NIBAN2: variants seen among roughly 807,000 people sequenced by gnomAD.
NIBAN2 encodes the protein protein Niban 2.
NIBAN2 carries 36 observed loss-of-function variants against 81.8 expected under a neutral mutation model. The observed-to-expected ratio is 0.44, with a 90% CI of 0.34 to 0.58. The LOEUF is 0.58. NIBAN2 is among the 20% of genes least tolerant of loss of function. The pLI is 0.02. For missense variants in NIBAN2, 897 were observed against 1,014.1 expected (o/e 0.88, Z 1.57); for synonymous variants, 445 against 441.6 (o/e 1.01, Z -0.10).
At chr9:127,553,559 G>C (rs78802949) in intron 1 of NIBAN2, among the ~76,000 whole-genome samples, 1 of 152,330 alleles carries the variant, frequency 6.6e-6, no homozygotes, top group East Asian at 1.9e-4. Flanking sequence ...GATGGGTAAG[G>C]GAAAGCAGAG....
intron 5 of NIBAN2, among the ~76,000 whole-genome samples, chr9:127,523,190 AAAATATATAT>A (rs1836983980): frequency 8.7e-5 from 2 of 22,982 alleles, no homozygotes; most frequent in Non-Finnish European, 7.2e-5. Flanking sequence ...AAAAAAAAAA[AAAATATATAT>A]ATATATATAT....
chr9:127,521,018 G>A (rs1280445359), intron 5 of NIBAN2, among the ~76,000 whole-genome samples: 2 of 152,202 alleles, frequency 1.3e-5, no homozygotes, highest in African/African-American at 4.8e-5. Flanking sequence ...AAGGAGAGAG[G>A]TCTCGGAGAA....
chr9:127,508,898 G>A lies in NIBAN2; in HGVS notation c.1317+78C>T. On this transcript the variant is annotated intron_variant, in intron 10 of 13. Coordinates refer to ENST00000373312, the MANE Select transcript of NIBAN2 (RefSeq NM_022833.4). This position sits in a 1 kb window ranked among gnomAD's most constrained non-coding sequence, Gnocchi z 6.4. ...GGCTATGGCATGACGGGACGGAGCA[G>A]AAGGGACCCCCTGGGCGAGGGGGCC... 6.5e-7 allele frequency: 1 copy of A among 1,535,896 alleles called. No individual in the cohort carries two copies. The highest frequency in any genetic ancestry group is 9.0e-7 in the Non-Finnish European group (1 of 1,113,334).
At position 127,509,050 on chromosome 9, in the gene NIBAN2, C is replaced by A. The variant is rs532985458; in HGVS notation, c.1243G>T (p.Asp415Tyr). The change falls in exon 10 of 14, where the codon GAC (aspartate) becomes TAC (tyrosine). Residue 415 changes from aspartate to tyrosine, a missense_variant. Coordinates refer to ENST00000373312, the MANE Select transcript of NIBAN2 (RefSeq NM_022833.4). ...CYEKMESLRL[D>Y]GLQQRFDVSS... ...ACATCAAATCGCTGCTGCAGCCCGT[C>A]CAGTCGCAGCGACTCCATCTTCTCA... is the stretch of plus-strand genomic sequence containing the variant. 2 of 1,613,816 alleles carry A rather than the reference C, an allele frequency of 1.2e-6. No homozygotes were observed. The highest frequency in any genetic ancestry group is 2.2e-5 in the South Asian group (2 of 91,042).
intron 1 of NIBAN2, among the ~76,000 whole-genome samples, chr9:127,552,087 G>A (rs752167781): frequency 8.5e-5 from 13 of 152,072 alleles, no homozygotes; most frequent in South Asian, 4.1e-4. Context: ...CTCTGCTGGC[G>A]TGCCATGCTG....
chr9:127,527,127 G>A (rs1837083930), intron 3 of NIBAN2, 67 bp downstream of exon 3: 4 of 1,590,494 alleles, frequency 2.5e-6, no homozygotes, highest in Admixed American at 1.7e-5. Context: ...AAGTTTCCGA[G>A]TTGGGGGAGG....
intron 1 of NIBAN2, among the ~76,000 whole-genome samples, chr9:127,553,917 G>C (rs1331132759): frequency 6.6e-6 from 1 of 152,088 alleles, no homozygotes; most frequent in Non-Finnish European, 1.5e-5. Flanking sequence ...CTCCGGACTG[G>C]AGGTCTGATG....
intron 1 of NIBAN2, among the ~76,000 whole-genome samples, chr9:127,561,656 G>A (rs1317387331): frequency 1.3e-5 from 2 of 152,172 alleles, no homozygotes; most frequent in Non-Finnish European, 2.9e-5. Context: ...CATCCACCAC[G>A]TCACCAGGCA....
chr9:127,563,398 G>A lies in NIBAN2; in HGVS notation c.55+5422C>T, dbSNP rs1837806599. On this transcript the variant is annotated intron_variant, in intron 1 of 13. Coordinates refer to ENST00000373312, the MANE Select transcript of NIBAN2 (RefSeq NM_022833.4). The surrounding 1 kb of genome is among the most constrained non-coding windows in gnomAD (Gnocchi z 4.1). ...CCCAGGCACTGCTTCCGGCCAGCCT[G>A]GTCTCTCTGCAAAGTCCAGGGGAGC... is the stretch of plus-strand genomic sequence containing the variant. 6.6e-6 allele frequency among the ~76,000 whole-genome samples: 1 copy of A among 152,254 alleles called. No homozygotes were observed. Among genetic ancestry groups the A allele is most frequent in the Admixed American group, 6.5e-5 (1 of 15,290 alleles).
chr9:127,509,642 G>A (rs577910010), intron 9 of NIBAN2, among the ~76,000 whole-genome samples: 1 of 152,230 alleles, frequency 6.6e-6, no homozygotes, highest in South Asian at 2.1e-4. Context: ...ACTGTGGAAG[G>A]ACGTTCACCC....
chr9:127,507,781 T>C lies in NIBAN2; in HGVS notation c.1654+86A>G. The C allele has an allele frequency of 8.0e-7, 1 of 1,245,382 alleles. No individual in the cohort carries two copies. Among genetic ancestry groups the C allele is most frequent in the Non-Finnish European group, 1.2e-6 (1 of 851,950 alleles). The allele number at this position is 1,245,382 out of a possible 1,614,324, so 77.1% of individuals were successfully genotyped here. A position where few individuals can be genotyped will look rare whatever the true frequency, so the allele number is the denominator to read the frequency against. ...CAAGTCTGGGCTTTTCTTTGAGCCT[T>C]AGCTGACCCCCTCAGCTGCCACCAC... is the stretch of plus-strand genomic sequence containing the variant. On this transcript the variant is annotated intron_variant, in intron 13 of 13. Transcript: ENST00000373312. The surrounding 1 kb of genome is among the most constrained non-coding windows in gnomAD (Gnocchi z 6.8).
In NIBAN2 at chr9:127,508,032, C is replaced by A; in HGVS notation, c.1543-54G>T. The A allele has an allele frequency of 6.2e-7, 1 of 1,610,650 alleles. No individual in the cohort carries two copies. Among genetic ancestry groups the A allele is most frequent in the African/African-American group, 1.3e-5 (1 of 74,960 alleles). ...GGTCAGGGCCAAGGGTAGAGGGAGG[C>A]CTGTGGGCTCCATCCCCCAACTTAG... is the stretch of plus-strand genomic sequence containing the variant. On this transcript the variant is annotated intron_variant, in intron 12 of 13. Coordinates refer to ENST00000373312, the MANE Select transcript of NIBAN2 (RefSeq NM_022833.4). The surrounding 1 kb of genome is among the most constrained non-coding windows in gnomAD (Gnocchi z 6.4).
intron 5 of NIBAN2, among the ~76,000 whole-genome samples, chr9:127,519,604 C>T (rs1184452975): frequency 1.3e-5 from 2 of 152,284 alleles, no homozygotes; most frequent in Non-Finnish European, 2.9e-5. Flanking sequence ...AAATCACTGC[C>T]TGTCGGAGCC....
intron 1 of NIBAN2, among the ~76,000 whole-genome samples, chr9:127,532,813 G>A (rs548914543): frequency 4.7e-4 from 72 of 151,594 alleles, no homozygotes; most frequent in Non-Finnish European, 8.0e-4. Flanking sequence ...CAGGTGGATC[G>A]CTTGAGCCCA....
At chr9:127,528,725 G>C (rs1052807246) in intron 2 of NIBAN2, among the ~76,000 whole-genome samples, 13 of 152,242 alleles carry the variant, frequency 8.5e-5, no homozygotes, top group African/African-American at 2.9e-4. Flanking sequence ...CTTTGCCCAA[G>C]TCACAGAGCT....
intron 5 of NIBAN2, among the ~76,000 whole-genome samples, chr9:127,523,219 AT>A: frequency 6.3e-5 from 3 of 47,328 alleles, no homozygotes; most frequent in Admixed American, 2.3e-4. Context: ...ATATATATAT[AT>A]ATATATATAT....
At chr9:127,554,429 T>G (rs1002801286) in intron 1 of NIBAN2, among the ~76,000 whole-genome samples, 3 of 151,978 alleles carry the variant, frequency 2.0e-5, no homozygotes, top group African/African-American at 7.2e-5. Flanking sequence ...GCCTGCCCTG[T>G]GCTTGCAACC....
chr9:127,556,861 GC>G (rs1254864502), intron 1 of NIBAN2, among the ~76,000 whole-genome samples: 1 of 152,182 alleles, frequency 6.6e-6, no homozygotes, highest in African/African-American at 2.4e-5. Flanking sequence ...GGATGGCTTA[GC>G]TCAGGAGTTT....
chr9:127,570,221 A>AT (rs1001506407), upstream of NIBAN2, among the ~76,000 whole-genome samples: 1 of 152,156 alleles, frequency 6.6e-6, no homozygotes, highest in Non-Finnish European at 1.5e-5. Context: ...TAACAGTTAA[A>AT]TTTGCTGAGC....
Sources: gnomAD v4.1 joint callset for allele counts (sites outside exome capture counted in the v4.1 genomes callset) on GRCh38, gnomAD v4.1.1 for gene constraint, Gnocchi (gnomAD v3.1) non-coding constraint, MANE v1.5 for transcripts, NCBI Gene and HGNC (gene_info 2026-07-23, HGNC 2026-07-21) for gene names.